Variants in NPM1 observed in about 807,000 individuals in gnomAD.
The protein encoded by NPM1 is nucleophosmin.
NPM1 carries 1 observed loss-of-function variant against 44.1 expected under a neutral mutation model. The observed-to-expected ratio is 0.02, with a 90% CI of 0.01 to 0.11. The LOEUF is 0.11. Among genes scored for constraint, NPM1 ranks in the 10% least tolerant of loss-of-function variants. The pLI, the probability that NPM1 is intolerant of heterozygous loss-of-function variation, is 1.00. For synonymous variants in NPM1, 126 were observed against 111.8 expected, an observed-to-expected ratio of 1.13 and a Z score of -0.80; for missense variants, 197 against 347.8, an observed-to-expected ratio of 0.57 and a Z score of 3.45.
intron 8 of NPM1, among the ~76,000 whole-genome samples, chr5:171,403,709 G>A (rs1429756409): frequency 2.1e-4 from 29 of 138,714 alleles, no homozygotes; most frequent in South Asian, 4.9e-4. Context: ...CCTCCCTCCC[G>A]GACAGGGCGG....
chr5:171,407,686 TTTTG>T lies in NPM1; in HGVS notation c.772-12_772-9del. 1 of 1,527,236 alleles carries T rather than the reference TTTTG, an allele frequency of 6.5e-7. No homozygotes were observed. The highest frequency in any genetic ancestry group is 9.1e-7 in the Non-Finnish European group (1 of 1,102,694). The allele number at this position is 1,527,236 out of a possible 1,614,324, so 94.6% of individuals were successfully genotyped here. ...TTTCTCTACTTACCTGTAATAATGC[TTTTG>T]TCTTAATAGGGTGGTTCTCTTCCCA... On this transcript the variant is annotated splice_polypyrimidine_tract_variant and intron_variant, in intron 9 of 10. Transcript: ENST00000296930.
At chr5:171,409,194 TAACTTG>T (rs1312526758) in intron 10 of NPM1, among the ~76,000 whole-genome samples, 7 of 152,230 alleles carry the variant, frequency 4.6e-5, no homozygotes, top group East Asian at 1.9e-4. Context: ...AAATGTTTAA[TAACTTG>T]AACTTGAATT....
In NPM1 at chr5:171,410,885, G is replaced by A. The variant is rs574554744; in HGVS notation, c.*320G>A. 7.0e-4 allele frequency: 183 copies of A among 261,826 alleles called. 1 individual carries two copies. Among genetic ancestry groups the A allele is most frequent in the Admixed American group, 1.6e-3 (29 of 18,588 alleles). The allele number at this position is 261,826 out of a possible 1,614,324, so 16.2% of individuals were successfully genotyped here. ...TAAAACTCAGTATTTTAATAAAGTAGCACGGTTTCTATTGACTTATTTAAC... is the reference window on the plus strand; with the variant it reads ...TAAAACTCAGTATTTTAATAAAGTAACACGGTTTCTATTGACTTATTTAAC... On this transcript the variant is annotated 3_prime_UTR_variant, in exon 11 of 11. Coordinates refer to ENST00000296930, the MANE Select transcript of NPM1 (RefSeq NM_002520.7).
chr5:171,400,315 C>A, intron 7 of NPM1, 105 bp downstream of exon 7: 2 of 1,398,826 alleles, frequency 1.4e-6, no homozygotes, highest in Admixed American at 1.9e-5. Flanking sequence ...TGTGGGAGAT[C>A]ATCTCATACT....
At chr5:171,394,995 A>G (rs991480587) in intron 6 of NPM1, among the ~76,000 whole-genome samples, 16 of 152,058 alleles carry the variant, frequency 1.1e-4, no homozygotes, top group Admixed American at 1.3e-4. Context: ...CCTGGCCAAC[A>G]TGGTGAAACC....
chr5:171,390,754 C>G (rs747958699), intron 2 of NPM1, among the ~76,000 whole-genome samples: 2 of 151,562 alleles, frequency 1.3e-5, no homozygotes, highest in Non-Finnish European at 2.9e-5. Flanking sequence ...GAGGCAGTCT[C>G]GCTCTGTCAC....
chr5:171,405,813 A>C, intron 9 of NPM1: 1 of 208,566 alleles, frequency 4.8e-6, no homozygotes, highest in South Asian at 8.5e-5. Context: ...ATTATAGTTA[A>C]TATTCATGAT....
chr5:171,404,766 T>C (rs909520810), intron 8 of NPM1, among the ~76,000 whole-genome samples: 13 of 148,742 alleles, frequency 8.7e-5, no homozygotes, highest in African/African-American at 3.0e-4. Context: ...TCTCGGCACT[T>C]TGGGAGGCCA....
intron 6 of NPM1, among the ~76,000 whole-genome samples, chr5:171,394,544 C>T (rs1770774710): frequency 2.0e-5 from 3 of 152,160 alleles, no homozygotes; most frequent in African/African-American, 7.2e-5. Flanking sequence ...ACAAGCTATC[C>T]TCCCCTCTCA....
At chr5:171,402,019 T>G (rs934398756) in intron 8 of NPM1, among the ~76,000 whole-genome samples, 2 of 151,932 alleles carry the variant, frequency 1.3e-5, no homozygotes, top group Non-Finnish European at 2.9e-5. Context: ...CTACAGTGAC[T>G]TTCTTGCTTT....
At chr5:171,407,580 T>G in intron 9 of NPM1, 120 bp from the exon 10 acceptor site, 1 of 688,646 alleles carries the variant, frequency 1.5e-6, no homozygotes, top group Non-Finnish European at 2.5e-6. Flanking sequence ...CTTGGAAAGT[T>G]GAAGGGAAAA....
chr5:171,397,979 G>T (rs1163968196), intron 6 of NPM1, among the ~76,000 whole-genome samples: 1 of 151,922 alleles, frequency 6.6e-6, no homozygotes, highest in African/African-American at 2.4e-5. Flanking sequence ...TTTAAATAGA[G>T]ACCGGGTTTC....
In NPM1 at chr5:171,402,972, TA is replaced by T. The variant is rs1561872972; in HGVS notation, c.669+2048del. On this transcript the variant is annotated intron_variant, in intron 8 of 10. Transcript: ENST00000296930. ...TAGTTCTTTTTTTTTTTTTTCATTTTATTTATTTATTTATTTATTTTTTATT... is the reference window on the plus strand; with the variant it reads ...TAGTTCTTTTTTTTTTTTTTCATTTTTTTATTTATTTATTTATTTTTTATT... 5.2e-3 allele frequency among the ~76,000 whole-genome samples: 550 copies of T among 105,616 alleles called. 3 individuals carry two copies. The highest frequency in any genetic ancestry group is 0.016 in the African/African-American group (419 of 26,848). The allele number at this position is 105,616 out of a possible 152,430, so 69.3% of individuals were successfully genotyped here.
At chr5:171,400,327 A>AGGGAGATCATCTCATACTG (rs1771128319) in intron 7 of NPM1, 117 bp downstream of exon 7, 31 of 1,198,036 alleles carry the variant, frequency 2.6e-5, no homozygotes, top group African/African-American at 3.0e-5. Context: ...TCTCATACTG[A>AGGGAGATCATCTCATACTG]AAATTAGTCC....
intron 10 of NPM1, among the ~76,000 whole-genome samples, chr5:171,409,711 G>A (rs1771729627): frequency 6.6e-6 from 1 of 152,162 alleles, no homozygotes; most frequent in Non-Finnish European, 1.5e-5. Flanking sequence ...TTGCCATGTT[G>A]GCCAGGCTGG....
chr5:171,408,065 G>A (rs1330674743), intron 10 of NPM1, among the ~76,000 whole-genome samples: 1 of 151,788 alleles, frequency 6.6e-6, no homozygotes, highest in Non-Finnish European at 1.5e-5. Flanking sequence ...GTTGGTTAAG[G>A]AAATTGCTGT....
chr5:171,394,228 CAG>C (rs1393952038), intron 6 of NPM1, among the ~76,000 whole-genome samples: 2 of 151,790 alleles, frequency 1.3e-5, no homozygotes, highest in Non-Finnish European at 2.9e-5. Context: ...TTAGTAGAGA[CAG>C]GGTTTCAGTA....
At chr5:171,388,505 G>T (rs771917554) in intron 1 of NPM1, among the ~76,000 whole-genome samples, 112 of 151,972 alleles carry the variant, frequency 7.4e-4, no homozygotes, top group Non-Finnish European at 5.7e-4. Context: ...GACTTACCTC[G>T]CGTGCTTCGG....
At chr5:171,408,491 GT>G (rs902088439) in intron 10 of NPM1, among the ~76,000 whole-genome samples, 2 of 151,740 alleles carry the variant, frequency 1.3e-5, no homozygotes, top group Non-Finnish European at 2.9e-5. Context: ...CAATTAGCTG[GT>G]TTTTTTTCTG....
Sources: gnomAD v4.1 joint callset for allele counts (sites outside exome capture counted in the v4.1 genomes callset) on GRCh38, gnomAD v4.1.1 for gene constraint, MANE v1.5 for transcripts, NCBI Gene and HGNC (gene_info 2026-07-23, HGNC 2026-07-21) for gene names.